PRMT8: variants seen among roughly 807,000 people sequenced by gnomAD.
The protein encoded by PRMT8 is protein arginine N-methyltransferase 8.
Under a neutral mutation model 47.1 loss-of-function variants are expected in PRMT8, and 7 were observed. The observed-to-expected ratio is 0.15, with a 90% confidence interval of 0.08 to 0.28. The LOEUF (loss-of-function observed/expected upper bound fraction) is 0.28, where lower values mean the gene tolerates loss of function less well. PRMT8 is among the 10% of genes least tolerant of loss of function. The pLI is 1.00. For missense variants in PRMT8, 237 were observed against 505.4 expected (o/e 0.47, Z 5.09); for synonymous variants, 188 against 186.5 (o/e 1.01, Z -0.07).
At chr12:3,393,029 C>T (rs908730344) in intron 1 of PRMT8, among the ~76,000 whole-genome samples, 5 of 152,230 alleles carry the variant, frequency 3.3e-5, no homozygotes, top group Middle Eastern at 6.8e-3. Context: ...AGTGTCTGTT[C>T]ATGTCCTTCA....
intron 2 of PRMT8, 74 bp downstream of exon 2, chr12:3,540,865 G>A: frequency 6.8e-7 from 1 of 1,474,468 alleles, no homozygotes; most frequent in Non-Finnish European, 9.3e-7. Context: ...AGGCAGCATA[G>A]TGTGTTCAAC....
rs1865393841 is a variant in PRMT8, at chr12:3,491,367, G to A, written c.-259G>A. The A allele has an allele frequency of 4.2e-6, 5 of 1,176,944 alleles. No individual in the cohort carries two copies. The highest frequency in any genetic ancestry group is 3.5e-4 in the Middle Eastern group (1 of 2,832). 72.9% of individuals were successfully genotyped at this position (1,176,944 alleles called of 1,614,324 possible). A position where few individuals can be genotyped will look rare whatever the true frequency, so the allele number is the denominator to read the frequency against. The stretch of plus-strand genomic sequence containing the variant: ...TAGCCCGCAGCGCGGGTGGAGAGGG[G>A]CGGGGAGGGGGTCGGGGGCACGAGA... On this transcript the variant is annotated 5_prime_UTR_variant, in exon 1 of 10. Transcript: ENST00000382622.
intron 1 of PRMT8, among the ~76,000 whole-genome samples, chr12:3,410,594 C>T (rs1443328714): frequency 4.6e-5 from 7 of 152,180 alleles, no homozygotes; most frequent in African/African-American, 1.4e-4. Context: ...CTGCAACCTC[C>T]GTCTACTGGA....
chr12:3,491,830 T>G, intron 1 of PRMT8, 130 bp downstream of exon 1: 2 of 676,268 alleles, frequency 3.0e-6, no homozygotes, highest in Non-Finnish European at 2.2e-6. Flanking sequence ...GCCGGCCTCC[T>G]CCTGTGTGTG....
intron 7 of PRMT8, among the ~76,000 whole-genome samples, chr12:3,578,945 T>G (rs538676299): frequency 6.6e-6 from 1 of 152,280 alleles, no homozygotes; most frequent in South Asian, 2.1e-4. Context: ...CCTCAGACTC[T>G]CCATTCACAG....
At chr12:3,507,348 C>T (rs1257571146) in intron 1 of PRMT8, among the ~76,000 whole-genome samples, 3 of 152,082 alleles carry the variant, frequency 2.0e-5, no homozygotes, top group African/African-American at 7.2e-5. Context: ...GTCTCGATCT[C>T]CTGACCTCGT....
In PRMT8 at chr12:3,593,371, C is replaced by G; in HGVS notation, c.*189C>G. On this transcript the variant is annotated 3_prime_UTR_variant, in exon 10 of 10. Coordinates refer to ENST00000382622, the MANE Select transcript of PRMT8 (RefSeq NM_019854.5). The surrounding 1 kb of genome is among the most constrained non-coding windows in gnomAD (Gnocchi z 4.8). The stretch of plus-strand genomic sequence containing the variant: ...ACTGGACAGAAGGCCTCCAGCTCCT[C>G]CGCTCTGCCCTGGTAGCCCTTCACG... 1.7e-6 allele frequency: 1 copy of G among 576,020 alleles called. No homozygotes were observed. The highest frequency in any genetic ancestry group is 3.0e-6 in the Non-Finnish European group (1 of 329,040). The allele number at this position is 576,020 out of a possible 1,614,324, so 35.7% of individuals were successfully genotyped here.
At chr12:3,455,646 A>G (rs986253911) in intron 1 of PRMT8, among the ~76,000 whole-genome samples, 3 of 152,054 alleles carry the variant, frequency 2.0e-5, no homozygotes, top group Non-Finnish European at 4.4e-5. Context: ...CTGGCCAAGG[A>G]CCTTCACCTC....
At chr12:3,522,462 G>A (rs931624305) in intron 1 of PRMT8, among the ~76,000 whole-genome samples, 2 of 152,002 alleles carry the variant, frequency 1.3e-5, no homozygotes, top group South Asian at 4.2e-4. Context: ...TCAGGAGTTC[G>A]AGACCAGCCT....
Position 3,453,550 on chromosome 12 carries a change from C to T in PRMT8, c.48+72108C>T, listed in dbSNP as rs868584655. 6.6e-6 allele frequency among the ~76,000 whole-genome samples: 1 copy of T among 152,232 alleles called. No homozygotes were observed. The highest frequency in any genetic ancestry group is 2.1e-4 in the South Asian group (1 of 4,834). The stretch of plus-strand genomic sequence containing the variant: ...TGCTTTCTCCTGGGGAAGCCAGACG[C>T]TGCATTCCGCATGCCATCGTGACCT... On this transcript the variant is annotated intron_variant, in intron 1 of 9. Transcript: ENST00000452611. The surrounding 1 kb of genome is among the most constrained non-coding windows in gnomAD (Gnocchi z 4.9).
intron 1 of PRMT8, among the ~76,000 whole-genome samples, chr12:3,426,085 C>T (rs1342001466): frequency 1.3e-5 from 2 of 152,216 alleles, no homozygotes; most frequent in African/African-American, 4.8e-5. Flanking sequence ...CTTGGCAAGA[C>T]TTGTTACCCT....
intron 1 of PRMT8, among the ~76,000 whole-genome samples, chr12:3,468,232 G>A (rs1302037490): frequency 1.3e-5 from 2 of 152,172 alleles, no homozygotes; most frequent in Admixed American, 1.3e-4. Context: ...TACTGTGATC[G>A]TGTTTCCTAA....
rs117950041 is a variant in PRMT8, at chr12:3,387,309, T to C, written c.48+5867T>C. ...GAGAAAAATAAACCAGGGTAACAAA[T>C]AATCAGAGGATGTCCCCATTATAAT... On this transcript the variant is annotated intron_variant, in intron 1 of 9. Coordinates refer to the PRMT8 transcript ENST00000452611. Among the ~76,000 whole-genome samples the C allele has an allele frequency of 6.0e-3, 914 of 152,326 alleles. 3 individuals are homozygous for C. Among genetic ancestry groups the C allele is most frequent in the Non-Finnish European group, 8.7e-3 (591 of 68,012 alleles).
At chr12:3,575,309 T>A (rs1334221231) in intron 6 of PRMT8, among the ~76,000 whole-genome samples, 1 of 152,252 alleles carries the variant, frequency 6.6e-6, no homozygotes, top group African/African-American at 2.4e-5. Flanking sequence ...CCTAAGGTCC[T>A]GTTTGTTTGG....
chr12:3,454,181 C>G (rs1864950096), intron 1 of PRMT8, among the ~76,000 whole-genome samples: 2 of 152,166 alleles, frequency 1.3e-5, no homozygotes, highest in Admixed American at 1.3e-4. Context: ...AATGCCGCCC[C>G]CGCCCACCCC....
chr12:3,532,591 GAC>G (rs1360164816), intron 1 of PRMT8, among the ~76,000 whole-genome samples: 1 of 108,604 alleles, frequency 9.2e-6, no homozygotes, highest in Non-Finnish European at 1.7e-5. Context: ...CAGCCTGGGC[GAC>G]AGAGTAAGAC....
intron 1 of PRMT8, among the ~76,000 whole-genome samples, chr12:3,390,627 G>C (rs1357284523): frequency 6.6e-6 from 1 of 152,096 alleles, no homozygotes; most frequent in Non-Finnish European, 1.5e-5. Flanking sequence ...CTTACCCAAG[G>C]TCACACAGCT....
At chr12:3,537,237 T>C (rs890200185) in intron 1 of PRMT8, among the ~76,000 whole-genome samples, 3 of 152,242 alleles carry the variant, frequency 2.0e-5, no homozygotes, top group Non-Finnish European at 4.4e-5. Flanking sequence ...AAGTTTTCTA[T>C]TTGAATTTGA....
At chr12:3,437,230 T>G (rs1346403038) in intron 1 of PRMT8, among the ~76,000 whole-genome samples, 1 of 152,060 alleles carries the variant, frequency 6.6e-6, no homozygotes, top group Non-Finnish European at 1.5e-5. Flanking sequence ...TTCTGCAACT[T>G]CATTTTTCCC....
Sources: gnomAD v4.1 joint callset for allele counts (sites outside exome capture counted in the v4.1 genomes callset) on GRCh38, gnomAD v4.1.1 for gene constraint, Gnocchi (gnomAD v3.1) non-coding constraint, MANE v1.5 for transcripts, NCBI Gene and HGNC (gene_info 2026-07-23, HGNC 2026-07-21) for gene names.